The following SDK1 variants were observed in gnomAD, a reference collection of about 807,000 sequenced individuals.
The protein encoded by SDK1 is sidekick cell adhesion molecule 1.
In SDK1, 157 loss-of-function variants were observed where a neutral mutation model predicts 245.5. The observed-to-expected ratio is 0.64, with a 90% CI of 0.56 to 0.73. The LOEUF is 0.73. Ranked by LOEUF, SDK1 falls within the 30% of genes least tolerant of loss-of-function variation. SDK1 has a pLI of 0.00. For missense variants in SDK1, 3,583 were observed against 3,002.3 expected, an observed-to-expected ratio of 1.19 and a Z score of -4.52; for synonymous variants, 1,647 against 1,278.5, an observed-to-expected ratio of 1.29 and a Z score of -6.15.
chr7:4,226,542 G>A (rs1384745312), intron 40 of SDK1, among the ~76,000 whole-genome samples: 1 of 152,234 alleles, frequency 6.6e-6, no homozygotes, highest in African/African-American at 2.4e-5. Flanking sequence ...GAACTGAGCA[G>A]CAGCTAATGA....
chr7:3,325,100 C>G (rs1562414985), intron 1 of SDK1, among the ~76,000 whole-genome samples: 2 of 151,982 alleles, frequency 1.3e-5, no homozygotes, highest in African/African-American at 2.4e-5. Flanking sequence ...TCTTAAAGTT[C>G]TCTACCAAAC....
intron 1 of SDK1, among the ~76,000 whole-genome samples, chr7:3,597,875 C>T (rs1449972594): frequency 1.3e-5 from 2 of 152,150 alleles, no homozygotes; most frequent in Non-Finnish European, 2.9e-5. Flanking sequence ...ATGTAGGGCA[C>T]TATAAATAAC....
At chr7:4,264,534 G>GCGTGGACCTCTCCTGAGTGAGGGAGGCCA in intron 44 of SDK1, among the ~76,000 whole-genome samples, 1 of 131,078 alleles carries the variant, frequency 7.6e-6, no homozygotes, top group South Asian at 2.8e-4. Context: ...GAGGGAGGCC[G>GCGTGGACCTCTCCTGAGTGAGGGAGGCCA]CGTGGACCTC....
intron 4 of SDK1, among the ~76,000 whole-genome samples, chr7:3,803,064 T>C (rs910394786): frequency 6.6e-6 from 1 of 152,204 alleles, no homozygotes; most frequent in African/African-American, 2.4e-5. Context: ...CCACTGTGGC[T>C]ATACTATTTT....
intron 28 of SDK1, among the ~76,000 whole-genome samples, chr7:4,137,978 G>A (rs1460966429): frequency 2.6e-5 from 4 of 152,326 alleles, no homozygotes; most frequent in African/African-American, 4.8e-5. Flanking sequence ...CTTTTTAAAC[G>A]TGTCAAGGTG....
intron 1 of SDK1, among the ~76,000 whole-genome samples, chr7:3,575,084 A>C (rs762184477): frequency 2.0e-5 from 3 of 152,010 alleles, no homozygotes; most frequent in African/African-American, 7.2e-5. Flanking sequence ...CTTACGTTGA[A>C]GTTGACATCT....
chr7:3,571,310 AT>A (rs1037407098), intron 1 of SDK1, among the ~76,000 whole-genome samples: 8 of 151,094 alleles, frequency 5.3e-5, no homozygotes, highest in Admixed American at 6.6e-5. Context: ...TTAATTTTTA[AT>A]TTTTTTTTGA....
At chr7:3,305,766 A>T (rs1014322184) in intron 1 of SDK1, among the ~76,000 whole-genome samples, 1 of 152,080 alleles carries the variant, frequency 6.6e-6, no homozygotes, top group African/African-American at 2.4e-5. Flanking sequence ...CTGTCTTCCA[A>T]ATCCAACAAT....
At position 3,685,012 on chromosome 7, in the gene SDK1, A is replaced by G. The variant is rs144163239; in HGVS notation, c.713+42907A>G. Among the ~76,000 whole-genome samples, 52 of 152,300 alleles carry G rather than the reference A, an allele frequency of 3.4e-4. No individual in the cohort carries two copies. The Middle Eastern group carries it at 0.01, about 30-fold the overall frequency. ...GACCTGTGGGACAAGACTGAGAGGTAACATTGGTATCATCAGAATTCATAA... is the reference window on the plus strand; with the variant it reads ...GACCTGTGGGACAAGACTGAGAGGTGACATTGGTATCATCAGAATTCATAA... On this transcript the variant is annotated intron_variant, in intron 4 of 44. Transcript: ENST00000404826.
intron 1 of SDK1, among the ~76,000 whole-genome samples, chr7:3,606,712 C>T (rs1781436947): frequency 6.6e-6 from 1 of 152,170 alleles, no homozygotes; most frequent in Admixed American, 6.5e-5. Flanking sequence ...CTTTTTAAAA[C>T]AATCTTCCTT....
At chr7:4,110,323 A>T (rs1055983484) in intron 22 of SDK1, among the ~76,000 whole-genome samples, 1 of 152,118 alleles carries the variant, frequency 6.6e-6, no homozygotes, top group African/African-American at 2.4e-5. Context: ...AAACAGGAGG[A>T]AGGATGAGAT....
chr7:4,047,286 G>A (rs1789090790), intron 17 of SDK1, among the ~76,000 whole-genome samples: 1 of 152,108 alleles, frequency 6.6e-6, no homozygotes, highest in Admixed American at 6.5e-5. Context: ...TTGATGTGAT[G>A]AATTACTTTG....
intron 5 of SDK1, among the ~76,000 whole-genome samples, chr7:3,856,481 T>TAAAAA (rs34024559): frequency 1.7e-5 from 2 of 119,200 alleles, no homozygotes; most frequent in South Asian, 2.9e-4. Flanking sequence ...CAGGTAATGT[T>TAAAAA]AAAAAAAAAA....
At chr7:3,515,142 G>T (rs1257393215) in intron 1 of SDK1, among the ~76,000 whole-genome samples, 1 of 152,104 alleles carries the variant, frequency 6.6e-6, no homozygotes, top group East Asian at 1.9e-4. Flanking sequence ...AGACCTGGAG[G>T]TGCAGTCAAT....
chr7:3,507,857 C>T (rs1029471250), intron 1 of SDK1, among the ~76,000 whole-genome samples: 1 of 152,154 alleles, frequency 6.6e-6, no homozygotes, highest in Non-Finnish European at 1.5e-5. Flanking sequence ...TTCAGTGTTG[C>T]TTTCATCCAG....
At chr7:4,059,577 T>A (rs1375298948) in intron 19 of SDK1, among the ~76,000 whole-genome samples, 2 of 152,228 alleles carry the variant, frequency 1.3e-5, no homozygotes, top group Non-Finnish European at 2.9e-5. Context: ...TAAACTGCGC[T>A]TTAGACTAAA....
chr7:3,418,943 T>G (rs1779460054), intron 1 of SDK1, among the ~76,000 whole-genome samples: 2 of 152,216 alleles, frequency 1.3e-5, no homozygotes, highest in Admixed American at 6.5e-5. Context: ...GGCAGTGAGG[T>G]AGCTTTCTGT....
intron 5 of SDK1, among the ~76,000 whole-genome samples, chr7:3,868,582 C>G (rs572732453): frequency 6.6e-6 from 1 of 152,274 alleles, no homozygotes; most frequent in South Asian, 2.1e-4. Flanking sequence ...GTATTATGGT[C>G]CAACCCTGTT....
chr7:3,506,881 C>T (rs1445998127), intron 1 of SDK1, among the ~76,000 whole-genome samples: 1 of 151,598 alleles, frequency 6.6e-6, no homozygotes, highest in Non-Finnish European at 1.5e-5. Flanking sequence ...TGAATTCCTT[C>T]CTTATTAATT....
Sources: allele counts gnomAD v4.1 joint callset (sites outside exome capture counted in the v4.1 genomes callset), GRCh38; gene constraint gnomAD v4.1.1; transcripts MANE v1.5; gene names NCBI Gene and HGNC (gene_info 2026-07-23, HGNC 2026-07-21).